The following RCE1 variants were observed in gnomAD, a reference collection of about 807,000 sequenced individuals.
The protein encoded by RCE1 is CAAX prenyl protease 2.
A neutral mutation model predicts 35.0 loss-of-function variants in RCE1; 15 were observed. The observed-to-expected ratio is 0.43, with a 90% CI of 0.29 to 0.66. RCE1 has a LOEUF of 0.66. Among genes scored for constraint, RCE1 ranks in the 30% least tolerant of loss-of-function variants. RCE1 has a pLI of 0.17. For synonymous variants in RCE1, 261 were observed against 192.7 expected (o/e 1.35, Z -2.94); for missense variants, 434 against 433.0 (o/e 1.00, Z -0.02).
intron 3 of RCE1, 50 bp downstream of exon 3, chr11:66,844,089 T>C (rs757395439): frequency 5.0e-6 from 8 of 1,613,460 alleles, no homozygotes; most frequent in South Asian, 1.1e-5. Flanking sequence ...ATCAGCCTGA[T>C]GGGCAGTGCC....
Position 66,843,611 on chromosome 11 carries a change from C to T in RCE1, c.156C>T (p.Ser52=), listed in dbSNP as rs750274899. 3 of 1,597,856 alleles carry T rather than the reference C, an allele frequency of 1.9e-6. No homozygotes were observed. Among genetic ancestry groups the T allele is most frequent in the Non-Finnish European group, 1.7e-6 (2 of 1,176,812 alleles). Residue 52 remains serine (S), a synonymous_variant, in exon 1 of 8, where the codon AGC becomes AGT. Transcript: ENST00000309657. ...GCCTCGCCTGCTCCTACGTGGGCAG[C>T]CTCTACGTCTGGAAGAGCGAACTGC... ...CLSLACSYVG[S]LYVWKSELPR...
rs764815018 is a variant in RCE1, at chr11:66,843,749, C to T, written c.186-10C>T. On this transcript the variant is annotated splice_polypyrimidine_tract_variant and intron_variant, in intron 1 of 7. Coordinates refer to ENST00000309657, the MANE Select transcript of RCE1 (RefSeq NM_005133.3). The stretch of plus-strand genomic sequence containing the variant: ...CCGCGGGCCCCCTGAACTTACTGTC[C>T]CCTCCGTAGGGACCATCCCGCGGTC... The T allele has an allele frequency of 1.7e-5, 27 of 1,612,864 alleles. No individual in the cohort carries two copies. Among genetic ancestry groups the T allele is most frequent in the East Asian group, 4.5e-5 (2 of 44,858 alleles).
chr11:66,844,799 C>A, intron 4 of RCE1, 70 bp from the exon 5 acceptor site: 1 of 1,475,438 alleles, frequency 6.8e-7, no homozygotes, highest in Non-Finnish European at 9.0e-7. Flanking sequence ...GGAGAGGAGC[C>A]CTTGGAGCCT....
chr11:66,844,141 C>G (rs1236687938), intron 3 of RCE1, 102 bp downstream of exon 3: 2 of 1,592,670 alleles, frequency 1.3e-6, no homozygotes, highest in Non-Finnish European at 1.7e-6. Context: ...GGAGACAGGA[C>G]TTTTGAGATG....
chr11:66,846,056 G>C lies in RCE1; in HGVS notation c.951G>C (p.Leu317Phe). 6.2e-7 allele frequency: 1 copy of C among 1,613,164 alleles called. No homozygotes were observed. Among genetic ancestry groups the C allele is most frequent in the Non-Finnish European group, 8.5e-7 (1 of 1,179,926 alleles). ...LYGSLPLCVL[L>F]ERAGDSEAPL... ...GCAGCCTTCCCCTTTGTGTGCTTTT[G>C]GAGCGGGCAGGGGACTCAGAGGCTC... The change falls in exon 8 of 8, where the codon TTG becomes TTC. Residue 317 changes from leucine (L) to phenylalanine (F), a missense_variant. Transcript: ENST00000309657.
rs997314901 is a variant in RCE1 at position 66,844,199 on chromosome 11, G to C, written c.373-87G>C. 3.8e-6 allele frequency: 6 copies of C among 1,599,824 alleles called. No individual in the cohort carries two copies. The African/African-American group carries it at 8.0e-5, about 21-fold the overall frequency. Reference sequence around the variant, plus strand: ...ATGGTCTGGAAATCGTGGCTGGAGAGGATTTCAAGCTTGGAGTCTCAGGGA... The same window carrying C: ...ATGGTCTGGAAATCGTGGCTGGAGACGATTTCAAGCTTGGAGTCTCAGGGA... On this transcript the variant is annotated intron_variant, in intron 3 of 7. Coordinates refer to ENST00000309657, the MANE Select transcript of RCE1 (RefSeq NM_005133.3).
chr11:66,844,002 T>C lies in RCE1; in HGVS notation c.335T>C (p.Ile112Thr). ...LTLMGFRLEG[I>T]FPAALLPLLL... ...CTGATGGGCTTCAGGCTGGAGGGCA[T>C]TTTCCCAGCGGCGCTGCTGCCCCTG... The change falls in exon 3 of 8, where the codon ATT (isoleucine) becomes ACT (threonine). Residue 112 changes from isoleucine to threonine, a missense_variant. Physicochemically the swap from Ile to Thr is moderately conservative, Grantham distance 89. Transcript: ENST00000309657. The C allele has an allele frequency of 6.2e-7, 1 of 1,614,076 alleles. No homozygotes were observed. The highest frequency in any genetic ancestry group is 1.3e-5 in the African/African-American group (1 of 75,030).
chr11:66,844,705 A>G (rs955605401), intron 4 of RCE1, 164 bp from the exon 5 acceptor site: 1 of 1,094,650 alleles, frequency 9.1e-7, no homozygotes, highest in Non-Finnish European at 1.3e-6. Context: ...AGGTCATCTC[A>G]AGACATTGGG....
In RCE1 at chr11:66,843,749, C is replaced by G. The variant is rs764815018; in HGVS notation, c.186-10C>G. ...CCGCGGGCCCCCTGAACTTACTGTCCCCTCCGTAGGGACCATCCCGCGGTC... is the reference window on the plus strand; with the variant it reads ...CCGCGGGCCCCCTGAACTTACTGTCGCCTCCGTAGGGACCATCCCGCGGTC... On this transcript the variant is annotated splice_polypyrimidine_tract_variant and intron_variant, in intron 1 of 7. Coordinates refer to ENST00000309657, the MANE Select transcript of RCE1 (RefSeq NM_005133.3). 1 of 1,612,864 alleles carries G rather than the reference C, an allele frequency of 6.2e-7. No homozygotes were observed.
chr11:66,844,996 G>A lies in RCE1; in HGVS notation c.579G>A (p.Leu193=). 1 of 1,600,988 alleles carries A rather than the reference G, an allele frequency of 6.2e-7. No homozygotes were observed. Among genetic ancestry groups the A allele is most frequent in the Non-Finnish European group, 8.5e-7 (1 of 1,171,888 alleles). The change falls in exon 5 of 8, where the codon CTG becomes CTA. Residue 193 remains leucine, a synonymous_variant. Coordinates refer to ENST00000309657, the MANE Select transcript of RCE1 (RefSeq NM_005133.3). ...CCATGTTAGCACCGTGCATGGGCCT[G>A]GGCCCTGCTGTGTTCACCTGCCCGC... is the stretch of plus-strand genomic sequence containing the variant. ...MLPMLAPCMG[L]GPAVFTCPLF...
chr11:66,843,547 C>A lies in RCE1; in HGVS notation c.92C>A (p.Pro31His). Residue 31 changes from proline to histidine, a missense_variant, in exon 1 of 8, where the codon CCC becomes CAC. Transcript: ENST00000309657. ...TCGGCGGCGCTGGGCGGCCTGGGCC[C>A]CGGGCTGTGCTGCTGGGTGTCAGTG... ...PESAALGGLGPGLCCWVSVFS... is the reference protein window; with the variant it reads ...PESAALGGLGHGLCCWVSVFS... The A allele has an allele frequency of 6.4e-7, 1 of 1,554,968 alleles. No individual in the cohort carries two copies. The highest frequency in any genetic ancestry group is 8.6e-7 in the Non-Finnish European group (1 of 1,159,318).
At chr11:66,844,251 G>T in intron 3 of RCE1, 35 bp from the exon 4 acceptor site, 1 of 1,613,832 alleles carries the variant, frequency 6.2e-7, no homozygotes, top group Non-Finnish European at 8.5e-7. Context: ...GGGCAAAAGC[G>T]GTGGGTTATG....
In RCE1 at chr11:66,844,292, T is replaced by A; in HGVS notation, c.379T>A (p.Phe127Ile). ...LLPLLLTMIL[F>I]LGPLMQLSMD... ...AGTGTTTTCTTGCCCTCAGATTCTT[T>A]TCCTGGGCCCACTGATGCAGCTCTC... Residue 127 changes from phenylalanine (F) to isoleucine (I), a missense_variant, in exon 4 of 8, where the codon TTC becomes ATC. Transcript: ENST00000309657. 6.2e-7 allele frequency: 1 copy of A among 1,614,154 alleles called. No individual in the cohort carries two copies. Among genetic ancestry groups the A allele is most frequent in the Non-Finnish European group, 8.5e-7 (1 of 1,180,018 alleles).
At chr11:66,844,623 G>A (rs1945168537) in intron 4 of RCE1, 4 of 732,666 alleles carry the variant, frequency 5.5e-6, no homozygotes, top group Non-Finnish European at 8.6e-6. Context: ...ACCAGAGCTA[G>A]TCTTGCTTAA....
In RCE1 at chr11:66,845,924, C is replaced by T. The variant is rs11538048; in HGVS notation, c.819C>T (p.Cys273=). The T allele has an allele frequency of 4.9e-4, 786 of 1,613,690 alleles. 4 individuals carry two copies. The African/African-American group carries it at 9.7e-3, about 20-fold the overall frequency. ...ATTACATGGGTTTCCCAGCTGTTTG[C>T]GCGGCCTTGGAGCACCCACAGAGGC... is the stretch of plus-strand genomic sequence containing the variant. ...FCNYMGFPAV[C]AALEHPQRRP... Residue 273 remains cysteine, a synonymous_variant, in exon 8 of 8, where the codon TGC becomes TGT. Transcript: ENST00000309657.
chr11:66,845,026 T>A lies in RCE1; in HGVS notation c.609T>A (p.Phe203Leu). ...LGPAVFTCPL[F>L]FGVAHFHHII... ...CTGCTGTGTTCACCTGCCCGCTCTT[T>A]TTTGGAGTTGGTGAGTCTGGCCAGA... Residue 203 changes from phenylalanine (F) to leucine (L), a missense_variant, in exon 5 of 8, where the codon TTT becomes TTA. Phe to Leu is a conservative substitution (Grantham distance 22). Transcript: ENST00000309657. 1 of 1,596,676 alleles carries A rather than the reference T, an allele frequency of 6.3e-7. No individual in the cohort carries two copies. The highest frequency in any genetic ancestry group is 8.6e-7 in the Non-Finnish European group (1 of 1,168,780).
chr11:66,845,945 G>T lies in RCE1; in HGVS notation c.840G>T (p.Gln280His). The stretch of plus-strand genomic sequence containing the variant: ...TTTGCGCGGCCTTGGAGCACCCACA[G>T]AGGCGGCCCCTGCTGGCAGGCTATG... Reference protein sequence around the residue: ...PAVCAALEHPQRRPLLAGYAL... With the variant: ...PAVCAALEHPHRRPLLAGYAL... The change falls in exon 8 of 8, where the codon CAG becomes CAT. Residue 280 changes from glutamine (Q) to histidine (H), a missense_variant. Transcript: ENST00000309657. The T allele has an allele frequency of 6.2e-7, 1 of 1,613,768 alleles. No individual in the cohort carries two copies.
chr11:66,844,107 C>T, intron 3 of RCE1, 68 bp downstream of exon 3: 1 of 1,610,748 alleles, frequency 6.2e-7, no homozygotes, highest in Non-Finnish European at 8.5e-7. Context: ...GCCGTGGACT[C>T]TTGTTTTTGG....
At position 66,844,076 on chromosome 11, in the gene RCE1, G is replaced by A. The variant is rs1457086703; in HGVS notation, c.372+37G>A. The A allele has an allele frequency of 3.1e-6, 5 of 1,613,704 alleles. No individual in the cohort carries two copies. The African/African-American group carries it at 5.3e-5, about 17-fold the overall frequency. ...TGCTGTATTTTTTCTTCTGGTCTTT[G>A]TTATCAGCCTGATGGGCAGTGCCGT... On this transcript the variant is annotated intron_variant, in intron 3 of 7. Transcript: ENST00000309657.
Sources: gnomAD v4.1 joint callset for allele counts on GRCh38, gnomAD v4.1.1 for gene constraint, MANE v1.5 for transcripts, NCBI Gene and HGNC (gene_info 2026-07-23, HGNC 2026-07-21) for gene names.